CRLF2: variants seen among roughly 807,000 people sequenced by gnomAD.
CRLF2 encodes the protein cytokine receptor like factor 2, also known as cytokine receptor-like factor 2.
CRLF2 carries 41 observed loss-of-function variants against 38.7 expected under a neutral mutation model. That is an observed-to-expected ratio of 1.06 (90% CI 0.83 to 1.37). The LOEUF (loss-of-function observed/expected upper bound fraction) is 1.37, where lower values mean the gene tolerates loss of function less well. CRLF2 is among the 40% of genes most tolerant of loss of function. The pLI is 0.00. For missense variants in CRLF2, 377 were observed against 322.2 expected, an observed-to-expected ratio of 1.17 and a Z score of -1.30; for synonymous variants, 140 against 128.8, an observed-to-expected ratio of 1.09 and a Z score of -0.59.
At chrX:1,208,532 G>A (rs757877873) in intron 2 of CRLF2, among the ~76,000 whole-genome samples, 3 of 152,142 alleles carry the variant, frequency 2.0e-5, no homozygotes, top group Non-Finnish European at 4.4e-5. Context: ...GCACTCCAGC[G>A]TGGCAACGGA....
chrX:1,212,369 TTTGTCCCAGCTAC>T (rs2086818358), intron 1 of CRLF2, among the ~76,000 whole-genome samples, 174 bp downstream of exon 1: 1 of 149,512 alleles, frequency 6.7e-6, no homozygotes, highest in Non-Finnish European at 1.5e-5. Context: ...ATAAATATGT[TTTGTCCCAGCTAC>T]TTGAGAAGCT....
intron 6 of CRLF2, among the ~76,000 whole-genome samples, chrX:1,193,504 G>A (rs1185833687): frequency 2.0e-5 from 3 of 152,076 alleles, no homozygotes; most frequent in Non-Finnish European, 4.4e-5. Context: ...GAGGCCGGGA[G>A]TGGTGGCTCA....
At chrX:1,209,374 C>T (rs1409675663) in intron 1 of CRLF2, among the ~76,000 whole-genome samples, 1 of 150,972 alleles carries the variant, frequency 6.6e-6, no homozygotes, top group African/African-American at 2.4e-5. Flanking sequence ...CTCTGTCACC[C>T]AGGCTGGACT....
Position 1,201,587 on chromosome X carries a change from G to C in CRLF2, c.483+815C>G, listed in dbSNP as rs1307130069. Among the ~76,000 whole-genome samples the C allele has an allele frequency of 1.5e-4, 22 of 151,072 alleles. 1 individual carries two copies. The highest frequency in any genetic ancestry group is 1.2e-3 in the Admixed American group (18 of 15,044). ...AGAGATAGATGATACATAGATGATAGAGCAATGATAGAGAGATAGATGATA... is the reference window on the plus strand; with the variant it reads ...AGAGATAGATGATACATAGATGATACAGCAATGATAGAGAGATAGATGATA... On this transcript the variant is annotated intron_variant, in intron 4 of 7. Coordinates refer to ENST00000400841, the MANE Select transcript of CRLF2 (RefSeq NM_022148.4).
At chrX:1,208,386 C>T (rs1186170972) in intron 2 of CRLF2, among the ~76,000 whole-genome samples, 3 of 152,044 alleles carry the variant, frequency 2.0e-5, no homozygotes, top group Non-Finnish European at 4.4e-5. Context: ...TGGTGAATCA[C>T]CATCTCTACT....
chrX:1,197,613 A>C (rs2086509353), intron 5 of CRLF2, among the ~76,000 whole-genome samples: 1 of 151,758 alleles, frequency 6.6e-6, no homozygotes, highest in Admixed American at 6.6e-5. Flanking sequence ...CAGGAGTTCG[A>C]GACCAGCCTG....
chrX:1,193,781 CAAAAAAAAAA>C (rs1176813644), intron 6 of CRLF2, among the ~76,000 whole-genome samples: 1 of 58,990 alleles, frequency 1.7e-5, no homozygotes, highest in Non-Finnish European at 2.8e-5. Flanking sequence ...GACTCCATCT[CAAAAAAAAAA>C]AAAAAAAAAA....
chrX:1,200,723 G>A (rs1200940775), intron 4 of CRLF2, among the ~76,000 whole-genome samples: 56,674 of 118,758 alleles, frequency 0.48, 16,176 homozygotes, highest in East Asian at 0.68. Context: ...GTGTATATAC[G>A]TGTGTATAAA....
chrX:1,192,440 A>C (rs2086400901), intron 7 of CRLF2, among the ~76,000 whole-genome samples: 1 of 145,202 alleles, frequency 6.9e-6, no homozygotes, highest in African/African-American at 2.5e-5. Context: ...TGGTGAAAAA[A>C]CCCATCTGTA....
chrX:1,210,109 A>AG (rs2086768369), intron 1 of CRLF2, among the ~76,000 whole-genome samples: 2 of 90,198 alleles, frequency 2.2e-5, no homozygotes, highest in Non-Finnish European at 4.2e-5. Context: ...CTATCAAAAA[A>AG]AAAAAAGAAA....
rs774362793 is a variant in CRLF2 at position 1,205,469 on chromosome X, T to A, written c.349+964A>T. Among the ~76,000 whole-genome samples, 14 of 152,276 alleles carry A rather than the reference T, an allele frequency of 9.2e-5. No individual in the cohort carries two copies. The South Asian group carries it at 2.9e-3, about 32-fold the overall frequency. On this transcript the variant is annotated intron_variant, in intron 3 of 7. Transcript: ENST00000400841. ...CAGCTGAAGGAAGTACTGAAAAGCA[T>A]GCTGAGCTTGCTTTTCAATTGTTAT...
intron 3 of CRLF2, 21 bp from the exon 4 acceptor site, chrX:1,202,556 A>G: frequency 6.2e-7 from 1 of 1,613,622 alleles, no homozygotes; most frequent in Non-Finnish European, 8.5e-7. Flanking sequence ...GAAATAACGG[A>G]AGCGACGTCC....
intron 1 of CRLF2, 93 bp downstream of exon 1, chrX:1,212,463 C>A: frequency 1.3e-6 from 1 of 770,724 alleles, no homozygotes; most frequent in South Asian, 1.6e-5. Flanking sequence ...AACCTCCATG[C>A]TCATTGTTTA....
intron 3 of CRLF2, among the ~76,000 whole-genome samples, chrX:1,205,631 C>CT (rs1228436314): frequency 6.6e-6 from 1 of 151,710 alleles, no homozygotes; most frequent in Non-Finnish European, 1.5e-5. Flanking sequence ...TTTGCATGAG[C>CT]TTTTTTATTT....
At chrX:1,195,596 A>G (rs1370204040) in intron 6 of CRLF2, among the ~76,000 whole-genome samples, 14 of 148,716 alleles carry the variant, frequency 9.4e-5, no homozygotes, top group South Asian at 8.5e-4. Flanking sequence ...CCTTTTTTTC[A>G]GACAGAGTTT....
chrX:1,210,111 A>AAAAAAAAAAGAAAAG (rs1556425587), intron 1 of CRLF2, among the ~76,000 whole-genome samples: 1 of 107,874 alleles, frequency 9.3e-6, no homozygotes, highest in Non-Finnish European at 1.8e-5. Flanking sequence ...ATCAAAAAAA[A>AAAAAAAAAAGAAAAG]AAAAGAAAAG....
chrX:1,209,251 G>T (rs1265556089), intron 1 of CRLF2, among the ~76,000 whole-genome samples: 1 of 151,308 alleles, frequency 6.6e-6, no homozygotes, highest in Non-Finnish European at 1.5e-5. Context: ...ACAGGCGTGA[G>T]CCACCGCGCC....
At chrX:1,200,804 T>C (rs1359449961) in intron 4 of CRLF2, among the ~76,000 whole-genome samples, 1 of 38,320 alleles carries the variant, frequency 2.6e-5, no homozygotes, top group Non-Finnish European at 5.9e-5. Context: ...TATGCATGTG[T>C]ATATATGTAT....
At chrX:1,204,279 A>G (rs1178740269) in intron 3 of CRLF2, among the ~76,000 whole-genome samples, 1 of 151,876 alleles carries the variant, frequency 6.6e-6, no homozygotes, top group Non-Finnish European at 1.5e-5. Context: ...TCCAGGCTGG[A>G]GTGCAATGGC....
Sources: allele counts gnomAD v4.1 joint callset (sites outside exome capture counted in the v4.1 genomes callset), GRCh38; gene constraint gnomAD v4.1.1; transcripts MANE v1.5; gene names NCBI Gene and HGNC (gene_info 2026-07-23, HGNC 2026-07-21).